The following PAPPA2 variants were observed in gnomAD, a reference collection of about 807,000 sequenced individuals.
The protein encoded by PAPPA2 is pappalysin 2.
Under a neutral mutation model 176.4 loss-of-function variants are expected in PAPPA2, and 86 were observed. The ratio of observed to expected loss-of-function variants is 0.49; its 90% CI spans 0.41 to 0.58. PAPPA2 has a LOEUF of 0.58. Among genes scored for constraint, PAPPA2 ranks in the 20% least tolerant of loss-of-function variants. The pLI is 0.00. For synonymous variants in PAPPA2, 809 were observed against 852.2 expected, an observed-to-expected ratio of 0.95 and a Z score of 0.88; for missense variants, 2,073 against 2,256.9, an observed-to-expected ratio of 0.92 and a Z score of 1.65.
chr1:176,768,142 G>A (rs189284134), intron 15 of PAPPA2, among the ~76,000 whole-genome samples: 209 of 152,226 alleles, frequency 1.4e-3, no homozygotes, highest in African/African-American at 4.9e-3. Context: ...TAGCTAGAAT[G>A]TTGGCTGCAC....
chr1:176,711,520 CA>C (rs1249687470), intron 11 of PAPPA2, among the ~76,000 whole-genome samples: 1 of 152,132 alleles, frequency 6.6e-6, no homozygotes, highest in Non-Finnish European at 1.5e-5. Context: ...ATCATCACCC[CA>C]GACAGACTTC....
intron 15 of PAPPA2, among the ~76,000 whole-genome samples, chr1:176,768,213 AC>A (rs1228289813): frequency 6.7e-6 from 1 of 149,070 alleles, no homozygotes; most frequent in Non-Finnish European, 1.5e-5. Context: ...CATTCCCCCC[AC>A]CCTAGACACC....
intron 2 of PAPPA2, among the ~76,000 whole-genome samples, chr1:176,590,121 G>C (rs1259650391): frequency 6.6e-6 from 1 of 152,152 alleles, no homozygotes; most frequent in Non-Finnish European, 1.5e-5. Context: ...TGAAAACTCA[G>C]AGTATAGGCA....
At chr1:176,465,729 G>A (rs1572936002) in intron 1 of PAPPA2, among the ~76,000 whole-genome samples, 4 of 149,648 alleles carry the variant, frequency 2.7e-5, no homozygotes, top group Admixed American at 2.7e-4. Flanking sequence ...TTTTGCATAG[G>A]TTATTTCATC....
intron 1 of PAPPA2, among the ~76,000 whole-genome samples, chr1:176,495,877 C>T (rs1647584553): frequency 1.3e-5 from 2 of 151,920 alleles, no homozygotes; most frequent in South Asian, 2.1e-4. Flanking sequence ...TAGCGATCCT[C>T]CCGCTCCATC....
intron 1 of PAPPA2, among the ~76,000 whole-genome samples, 166 bp downstream of exon 1, chr1:176,463,584 T>G (rs1033258227): frequency 2.0e-5 from 3 of 152,202 alleles, no homozygotes; most frequent in African/African-American, 7.2e-5. Context: ...AGCATCTCCC[T>G]TTAGCATCAT....
At chr1:176,837,254 A>G (rs1323731284) in intron 21 of PAPPA2, among the ~76,000 whole-genome samples, 1 of 152,144 alleles carries the variant, frequency 6.6e-6, no homozygotes. Flanking sequence ...CTCATACGTC[A>G]TAAGAAGAGT....
chr1:176,770,150 T>C (rs2102911970), intron 16 of PAPPA2, among the ~76,000 whole-genome samples: 1 of 152,326 alleles, frequency 6.6e-6, no homozygotes, highest in East Asian at 1.9e-4. Context: ...TTGAGCAATG[T>C]GTGAATTTGT....
chr1:176,547,042 G>T (rs1455935110), intron 1 of PAPPA2, among the ~76,000 whole-genome samples: 1 of 152,144 alleles, frequency 6.6e-6, no homozygotes, highest in African/African-American at 2.4e-5. Flanking sequence ...AAGTTTTCTG[G>T]TAAAAGTTAA....
At chr1:176,540,623 G>A (rs1290975917) in intron 1 of PAPPA2, among the ~76,000 whole-genome samples, 2 of 152,138 alleles carry the variant, frequency 1.3e-5, no homozygotes, top group African/African-American at 4.8e-5. Context: ...GGAAGATTAG[G>A]TAAAGCCACA....
intron 12 of PAPPA2, among the ~76,000 whole-genome samples, chr1:176,727,975 G>A (rs937406959): frequency 1.3e-5 from 2 of 151,890 alleles, no homozygotes; most frequent in South Asian, 4.1e-4. Context: ...AAACAAAATT[G>A]AAATTTGTGG....
chr1:176,624,675 A>T (rs1655907968), intron 3 of PAPPA2, among the ~76,000 whole-genome samples: 1 of 152,018 alleles, frequency 6.6e-6, no homozygotes, highest in Non-Finnish European at 1.5e-5. Flanking sequence ...CCTCTATTTG[A>T]TACACTTATT....
At chr1:176,616,378 T>C in intron 3 of PAPPA2, 1 of 584,448 alleles carries the variant, frequency 1.7e-6, no homozygotes, top group Non-Finnish European at 3.2e-6. Flanking sequence ...AAAGCTCCAC[T>C]CCGCTTTTGT....
At chr1:176,540,070 T>C (rs756278436) in intron 1 of PAPPA2, among the ~76,000 whole-genome samples, 4 of 152,208 alleles carry the variant, frequency 2.6e-5, no homozygotes, top group Non-Finnish European at 4.4e-5. Context: ...GACCATTTGC[T>C]TCTCTCTAGG....
intron 21 of PAPPA2, among the ~76,000 whole-genome samples, chr1:176,808,417 C>T (rs914181055): frequency 6.6e-6 from 1 of 152,154 alleles, no homozygotes; most frequent in African/African-American, 2.4e-5. Context: ...AATCATCTTC[C>T]AGTGGTTCTC....
chr1:176,828,095 A>G (rs1666926762), intron 21 of PAPPA2, among the ~76,000 whole-genome samples: 1 of 152,076 alleles, frequency 6.6e-6, no homozygotes, highest in Non-Finnish European at 1.5e-5. Flanking sequence ...CAGCATGAGC[A>G]TATCAGGATG....
Position 176,765,720 on chromosome 1 carries a change from T to C in PAPPA2, c.4206T>C (p.Asp1402=), listed in dbSNP as rs1215765900. Residue 1402 remains aspartate (D), a synonymous_variant, in exon 15 of 23, where the codon GAT becomes GAC. Coordinates refer to ENST00000367662, the MANE Select transcript of PAPPA2 (RefSeq NM_020318.3). ...ACAGCTGTCCGTCATTGCTGCTTGATCATGCTGATGTGGTGAACTGTACCT... is the reference window on the plus strand; with the variant it reads ...ACAGCTGTCCGTCATTGCTGCTTGACCATGCTGATGTGGTGAACTGTACCT... ...KQDSCPSLLL[D]HADVVNCTSI... is the part of the protein sequence containing the mutation. 6 of 1,613,972 alleles carry C rather than the reference T, an allele frequency of 3.7e-6. No individual in the cohort carries two copies. The highest frequency in any genetic ancestry group is 3.4e-6 in the Non-Finnish European group (4 of 1,180,024).
intron 21 of PAPPA2, among the ~76,000 whole-genome samples, chr1:176,800,529 T>C (rs1011098774): frequency 2.6e-5 from 4 of 152,196 alleles, no homozygotes; most frequent in Non-Finnish European, 5.9e-5. Flanking sequence ...TGCCAATGTT[T>C]AAAAATTAGG....
intron 3 of PAPPA2, among the ~76,000 whole-genome samples, chr1:176,607,304 G>A (rs186168826): frequency 2.9e-4 from 44 of 152,206 alleles, no homozygotes; most frequent in South Asian, 4.1e-4. Context: ...GAACAGTAGC[G>A]CTTATAGCTT....
Sources: allele counts gnomAD v4.1 joint callset (sites outside exome capture counted in the v4.1 genomes callset), GRCh38; gene constraint gnomAD v4.1.1; transcripts MANE v1.5; gene names NCBI Gene and HGNC (gene_info 2026-07-23, HGNC 2026-07-21).